Variants in TBC1D22B observed in about 807,000 individuals in gnomAD.
The protein encoded by TBC1D22B is TBC1 domain family member 22B.
In TBC1D22B, 32 loss-of-function variants were observed where a neutral mutation model predicts 69.1. The ratio of observed to expected loss-of-function variants is 0.46; its 90% CI spans 0.35 to 0.62. The LOEUF is 0.62. Ranked by LOEUF, TBC1D22B falls within the 20% of genes least tolerant of loss-of-function variation. The pLI, the probability that TBC1D22B is intolerant of heterozygous loss-of-function variation, is 0.00. For missense variants in TBC1D22B, 462 were observed against 630.9 expected (o/e 0.73, Z 2.87); for synonymous variants, 206 against 229.8 (o/e 0.90, Z 0.94).
At chr6:37,313,991 A>G in intron 10 of TBC1D22B, 100 bp downstream of exon 10, 1 of 1,111,178 alleles carries the variant, frequency 9.0e-7, no homozygotes, top group South Asian at 1.3e-5. Context: ...CTTCCTAGCC[A>G]TGACCCTTTC....
chr6:37,316,684 A>T lies in TBC1D22B; in HGVS notation c.1166-19A>T. The stretch of plus-strand genomic sequence containing the variant: ...GTCCAGTCCCCTAGGTTGATCCCCA[A>T]TGATGCTTCCTGTTTCAGAGCAGGT... On this transcript the variant is annotated intron_variant, in intron 10 of 12. Coordinates refer to ENST00000373491, the MANE Select transcript of TBC1D22B (RefSeq NM_017772.4). 6.2e-7 allele frequency: 1 copy of T among 1,614,088 alleles called. No individual in the cohort carries two copies. Among genetic ancestry groups the T allele is most frequent in the Non-Finnish European group, 8.5e-7 (1 of 1,179,978 alleles).
intron 12 of TBC1D22B, among the ~76,000 whole-genome samples, chr6:37,325,595 G>A (rs1241313639): frequency 1.4e-5 from 2 of 145,084 alleles, no homozygotes; most frequent in Non-Finnish European, 1.5e-5. Flanking sequence ...TGTCGCCCAG[G>A]CTGGAGTGCA....
At chr6:37,284,534 T>A (rs1019546085) in intron 6 of TBC1D22B, 70 bp downstream of exon 6, 2 of 1,476,284 alleles carry the variant, frequency 1.4e-6, no homozygotes, top group Admixed American at 2.4e-5. Context: ...GGTAGTGCTC[T>A]CAGGGTACAG....
At chr6:37,320,994 T>C (rs1213335718) in intron 12 of TBC1D22B, among the ~76,000 whole-genome samples, 2 of 152,176 alleles carry the variant, frequency 1.3e-5, no homozygotes, top group African/African-American at 4.8e-5. Context: ...TTAGGTTGAA[T>C]CATATGCAGT....
intron 12 of TBC1D22B, among the ~76,000 whole-genome samples, chr6:37,325,531 T>A (rs1051644686): frequency 6.9e-6 from 1 of 144,700 alleles, no homozygotes; most frequent in Admixed American, 7.4e-5. Flanking sequence ...GCCATAATTA[T>A]CGTTTCTACT....
intron 12 of TBC1D22B, among the ~76,000 whole-genome samples, chr6:37,328,697 A>G (rs911132115): frequency 6.6e-6 from 1 of 152,172 alleles, no homozygotes; most frequent in Admixed American, 6.5e-5. Flanking sequence ...TTGATCGTGA[A>G]GTTATGGGTA....
intron 8 of TBC1D22B, among the ~76,000 whole-genome samples, chr6:37,308,047 A>C (rs1767791028): frequency 6.6e-6 from 1 of 152,256 alleles, no homozygotes; most frequent in Non-Finnish European, 1.5e-5. Flanking sequence ...ACATTTCATC[A>C]GTTAATAAAT....
At chr6:37,275,546 T>C (rs945921279) in intron 2 of TBC1D22B, among the ~76,000 whole-genome samples, 5 of 152,180 alleles carry the variant, frequency 3.3e-5, no homozygotes, top group African/African-American at 1.2e-4. Flanking sequence ...AGGAGTCAGG[T>C]AGACCTGGAT....
intron 1 of TBC1D22B, 133 bp downstream of exon 1, chr6:37,258,106 G>A (rs750685840): frequency 2.0e-5 from 20 of 1,014,352 alleles, no homozygotes; most frequent in Admixed American, 3.0e-5. Flanking sequence ...GCCTGGTGGC[G>A]GCAGGGCAGC....
chr6:37,294,479 C>A (rs765896452), intron 8 of TBC1D22B, among the ~76,000 whole-genome samples: 39 of 152,242 alleles, frequency 2.6e-4, no homozygotes, highest in Non-Finnish European at 4.4e-4. Flanking sequence ...GCCAGCCTGC[C>A]ATCTAGGACT....
chr6:37,327,818 T>C (rs1044359153), intron 12 of TBC1D22B, among the ~76,000 whole-genome samples: 2 of 152,072 alleles, frequency 1.3e-5, no homozygotes, highest in Non-Finnish European at 2.9e-5. Context: ...AGTGGGGACC[T>C]TGGGATGTGC....
At chr6:37,301,258 G>A (rs114368715) in intron 8 of TBC1D22B, among the ~76,000 whole-genome samples, 2,374 of 152,130 alleles carry the variant, frequency 0.016, 64 homozygotes, top group African/African-American at 0.052. Context: ...GATGTACTTC[G>A]TGTGCCAGAC....
intron 3 of TBC1D22B, among the ~76,000 whole-genome samples, chr6:37,281,169 G>T (rs913516613): frequency 2.0e-5 from 3 of 152,226 alleles, no homozygotes; most frequent in African/African-American, 4.8e-5. Flanking sequence ...GAGTTTTAGA[G>T]TCAGGCTTAC....
Position 37,309,427 on chromosome 6 carries a change from C to T in TBC1D22B, c.983-3491C>T, listed in dbSNP as rs181262919. 1.5e-4 allele frequency among the ~76,000 whole-genome samples: 23 copies of T among 152,252 alleles called. No homozygotes were observed. The South Asian group carries it at 4.1e-3, about 27-fold the overall frequency. ...TATTTGCATTGCAATGTTCTGGAAT[C>T]CTAAAATGCCCAAGTTGGAAAAGAC... On this transcript the variant is annotated intron_variant, in intron 8 of 12. Transcript: ENST00000373491.
chr6:37,282,765 A>T, intron 4 of TBC1D22B, 117 bp from the exon 5 acceptor site: 1 of 978,086 alleles, frequency 1.0e-6, no homozygotes, highest in Non-Finnish European at 1.6e-6. Context: ...GCTTATGGGT[A>T]GCAGGTGGTG....
At chr6:37,297,483 G>A (rs1434718382) in intron 8 of TBC1D22B, among the ~76,000 whole-genome samples, 1 of 152,168 alleles carries the variant, frequency 6.6e-6, no homozygotes, top group African/African-American at 2.4e-5. Context: ...TTTATAAGGT[G>A]AAATATCCAA....
At chr6:37,310,715 T>C (rs370799823) in intron 8 of TBC1D22B, among the ~76,000 whole-genome samples, 14 of 152,234 alleles carry the variant, frequency 9.2e-5, no homozygotes, top group African/African-American at 2.9e-4. Flanking sequence ...TTATATGCTA[T>C]CTAGATTTTT....
At chr6:37,278,972 T>G (rs543497933) in intron 2 of TBC1D22B, among the ~76,000 whole-genome samples, 1 of 151,956 alleles carries the variant, frequency 6.6e-6, no homozygotes, top group Non-Finnish European at 1.5e-5. Context: ...ACACCTATTC[T>G]CTACTTTGCC....
chr6:37,327,797 A>T (rs1398382075), intron 12 of TBC1D22B, among the ~76,000 whole-genome samples: 1 of 152,134 alleles, frequency 6.6e-6, no homozygotes, highest in Non-Finnish European at 1.5e-5. Context: ...GCCAGCAACC[A>T]TGGAGGGGAG....
Sources: gnomAD v4.1 joint callset for allele counts (sites outside exome capture counted in the v4.1 genomes callset) on GRCh38, gnomAD v4.1.1 for gene constraint, MANE v1.5 for transcripts, NCBI Gene and HGNC (gene_info 2026-07-23, HGNC 2026-07-21) for gene names.